CSMD1: variants seen among roughly 807,000 people sequenced by gnomAD.
CSMD1 encodes the protein CUB and sushi domain-containing protein 1.
In CSMD1, 213 loss-of-function variants were observed where a neutral mutation model predicts 417.5. That is an observed-to-expected ratio of 0.51 (90% CI 0.46 to 0.57). The LOEUF is 0.57. Among genes scored for constraint, CSMD1 ranks in the 20% least tolerant of loss-of-function variants. CSMD1 has a pLI of 0.00. For missense variants in CSMD1, 6,923 were observed against 4,529.7 expected (o/e 1.53, Z -15.17); for synonymous variants, 2,862 against 1,736.8 (o/e 1.65, Z -16.11).
intron 1 of CSMD1, among the ~76,000 whole-genome samples, chr8:4,748,415 T>C (rs2117037113): frequency 6.6e-6 from 1 of 152,324 alleles, no homozygotes; most frequent in East Asian, 1.9e-4. Flanking sequence ...GAAGTCACAT[T>C]TTATTTGCTG....
At chr8:4,781,864 G>C (rs1232310952) in intron 1 of CSMD1, among the ~76,000 whole-genome samples, 3 of 152,134 alleles carry the variant, frequency 2.0e-5, no homozygotes, top group South Asian at 4.1e-4. Context: ...CATATCGAGA[G>C]GGTCAGGAAC....
intron 26 of CSMD1, among the ~76,000 whole-genome samples, chr8:3,235,523 C>T (rs1200156590): frequency 6.6e-6 from 1 of 152,130 alleles, no homozygotes; most frequent in Non-Finnish European, 1.5e-5. Flanking sequence ...TAGACATTCC[C>T]ATTGCACATT....
At chr8:2,994,145 C>CAAAAAAAAAAAAAAAAAAA (rs35438493) in intron 54 of CSMD1, among the ~76,000 whole-genome samples, 13 of 30,522 alleles carry the variant, frequency 4.3e-4, no homozygotes, top group African/African-American at 4.8e-4. Context: ...AACTCCATCT[C>CAAAAAAAAAAAAAAAAAAA]AAAAAAAAAA....
In CSMD1 at chr8:3,863,648, A is replaced by C. The variant is rs1386605740; in HGVS notation, c.819-109606T>G. Among the ~76,000 whole-genome samples, 5 of 152,160 alleles carry C rather than the reference A, an allele frequency of 3.3e-5. No individual in the cohort carries two copies. The South Asian group carries it at 8.3e-4, about 25-fold the overall frequency. ...TTCACTTCAGCTACTGTAAGTTACAAATATTCTAACACACACACACACATT... is the reference window on the plus strand; with the variant it reads ...TTCACTTCAGCTACTGTAAGTTACACATATTCTAACACACACACACACATT... On this transcript the variant is annotated intron_variant, in intron 5 of 69. Transcript: ENST00000635120.
chr8:4,114,627 A>G (rs1802036331), intron 3 of CSMD1, among the ~76,000 whole-genome samples: 1 of 152,222 alleles, frequency 6.6e-6, no homozygotes, highest in East Asian at 1.9e-4. Flanking sequence ...ATAAATTGAA[A>G]AACCTTCTGG....
At chr8:3,300,874 G>C (rs929049588) in intron 25 of CSMD1, among the ~76,000 whole-genome samples, 3 of 142,458 alleles carry the variant, frequency 2.1e-5, no homozygotes, top group African/African-American at 7.8e-5. Flanking sequence ...CAGGAGAATT[G>C]CTTGAACCCA....
chr8:3,497,653 C>G (rs890279901), intron 10 of CSMD1, among the ~76,000 whole-genome samples: 7 of 152,160 alleles, frequency 4.6e-5, no homozygotes, highest in Non-Finnish European at 5.9e-5. Context: ...CATGGACTAT[C>G]TCTTGTAATG....
At chr8:3,821,084 T>G (rs59966023) in intron 5 of CSMD1, among the ~76,000 whole-genome samples, 1 of 151,762 alleles carries the variant, frequency 6.6e-6, no homozygotes, top group South Asian at 2.1e-4. Flanking sequence ...ACCTGGTTAC[T>G]TTTTTGTATT....
chr8:4,581,174 T>C (rs900164108), intron 2 of CSMD1, among the ~76,000 whole-genome samples: 2 of 152,236 alleles, frequency 1.3e-5, no homozygotes, highest in Non-Finnish European at 2.9e-5. Context: ...AATTTCTATT[T>C]TAGAATTTAG....
chr8:3,447,196 AATG>A (rs1301581787), intron 12 of CSMD1, among the ~76,000 whole-genome samples: 1 of 152,224 alleles, frequency 6.6e-6, no homozygotes, highest in Non-Finnish European at 1.5e-5. Context: ...GGCAAAGAAA[AATG>A]ATGAACCAGC....
intron 18 of CSMD1, among the ~76,000 whole-genome samples, chr8:3,369,642 T>C (rs766810226): frequency 3.0e-4 from 46 of 152,136 alleles, no homozygotes; most frequent in African/African-American, 8.7e-4. Flanking sequence ...AGCCTCAGAA[T>C]TGCAGACATG....
At chr8:4,622,113 T>A (rs1328580172) in intron 2 of CSMD1, among the ~76,000 whole-genome samples, 2 of 149,790 alleles carry the variant, frequency 1.3e-5, no homozygotes, top group Non-Finnish European at 3.0e-5. Context: ...ATCAGGGAAA[T>A]TCAGTATGAA....
At chr8:3,101,328 T>C (rs1312487180) in intron 46 of CSMD1, among the ~76,000 whole-genome samples, 5 of 152,230 alleles carry the variant, frequency 3.3e-5, no homozygotes, top group African/African-American at 1.2e-4. Context: ...ATGCCTCTCT[T>C]TCCTTAACAG....
intron 5 of CSMD1, among the ~76,000 whole-genome samples, chr8:3,917,921 T>A (rs1264454740): frequency 6.6e-6 from 1 of 152,198 alleles, no homozygotes; most frequent in African/African-American, 2.4e-5. Flanking sequence ...TCAGTGTGTT[T>A]TTTAAGCATT....
chr8:4,177,021 C>T lies in CSMD1; in HGVS notation c.416-144922G>A, dbSNP rs189545175. Among the ~76,000 whole-genome samples, 1,351 of 152,110 alleles carry T rather than the reference C, an allele frequency of 8.9e-3. 13 individuals carry two copies. Among genetic ancestry groups the T allele is most frequent in the Non-Finnish European group, 0.014 (934 of 68,012 alleles). On this transcript the variant is annotated intron_variant, in intron 3 of 69. Transcript: ENST00000635120. ...CCACTGTCAACATTAGAAATATCAA[C>T]GAGACAGAAAGTCAACAAGGATATC...
At chr8:4,504,523 G>A (rs193089394) in intron 2 of CSMD1, among the ~76,000 whole-genome samples, 58 of 152,204 alleles carry the variant, frequency 3.8e-4, no homozygotes, top group Admixed American at 1.0e-3. Context: ...ATGCAGGTTC[G>A]TTACATAAAT....
rs6987046 is a variant in CSMD1 at position 4,056,782 on chromosome 8, G to A, written c.416-24683C>T. ...TTCCCACCTATGAGTGAGAACATGC[G>A]GTGTTTCGTTTTTTGTCCTTGTGAT... On this transcript the variant is annotated intron_variant, in intron 3 of 69. Transcript: ENST00000635120. Among the ~76,000 whole-genome samples the A allele has an allele frequency of 2.3e-3, 348 of 151,906 alleles. 6 individuals carry two copies. The highest frequency in any genetic ancestry group is 6.2e-3 in the African/African-American group (258 of 41,414).
intron 3 of CSMD1, among the ~76,000 whole-genome samples, chr8:4,319,745 G>C (rs1361357317): frequency 1.3e-5 from 2 of 152,152 alleles, no homozygotes; most frequent in South Asian, 2.1e-4. Flanking sequence ...CTTGCCGGGG[G>C]GCCAAAGGCT....
At chr8:4,967,753 T>C (rs1045675701) in intron 1 of CSMD1, among the ~76,000 whole-genome samples, 1 of 152,164 alleles carries the variant, frequency 6.6e-6, no homozygotes, top group Non-Finnish European at 1.5e-5. Flanking sequence ...ATAATGAACT[T>C]CTTGTGTCAT....
Sources: allele counts gnomAD v4.1 joint callset (sites outside exome capture counted in the v4.1 genomes callset), GRCh38; gene constraint gnomAD v4.1.1; transcripts MANE v1.5; gene names NCBI Gene and HGNC (gene_info 2026-07-23, HGNC 2026-07-21).